The following EHBP1 variants were observed in gnomAD, a reference collection of about 807,000 sequenced individuals.
EHBP1 encodes the protein EH domain binding protein 1.
In EHBP1, 55 loss-of-function variants were observed where a neutral mutation model predicts 144.0. The ratio of observed to expected loss-of-function variants is 0.38; its 90% CI spans 0.31 to 0.48. The LOEUF is 0.48. Among genes scored for constraint, EHBP1 ranks in the 20% least tolerant of loss-of-function variants. The pLI is 0.98. For synonymous variants in EHBP1, 469 were observed against 472.7 expected, an observed-to-expected ratio of 0.99 and a Z score of 0.10; for missense variants, 1,200 against 1,364.2, an observed-to-expected ratio of 0.88 and a Z score of 1.90.
intron 10 of EHBP1, among the ~76,000 whole-genome samples, chr2:62,877,762 C>G (rs1340853108): frequency 6.6e-6 from 1 of 152,114 alleles, no homozygotes; most frequent in Non-Finnish European, 1.5e-5. Flanking sequence ...AGGCAGAAAT[C>G]AAGAAATTCT....
chr2:62,910,237 T>C (rs1257558194), intron 10 of EHBP1, among the ~76,000 whole-genome samples: 1 of 152,218 alleles, frequency 6.6e-6, no homozygotes, highest in Non-Finnish European at 1.5e-5. Flanking sequence ...TAATATGTTA[T>C]CGTATACTTG....
At chr2:62,989,104 T>C (rs1379384631) in intron 15 of EHBP1, among the ~76,000 whole-genome samples, 1 of 152,154 alleles carries the variant, frequency 6.6e-6, no homozygotes, top group Non-Finnish European at 1.5e-5. Context: ...AAAAGAATGC[T>C]GATATTTAAG....
chr2:62,771,435 TTATA>T (rs772628096), intron 5 of EHBP1, 43 bp downstream of exon 5: 2 of 1,467,962 alleles, frequency 1.4e-6, no homozygotes, highest in Admixed American at 1.9e-5. Flanking sequence ...ATTTTCAACT[TTATA>T]TATGCATTAT....
At chr2:62,696,374 T>C (rs2034092710) in intron 1 of EHBP1, among the ~76,000 whole-genome samples, 1 of 151,798 alleles carries the variant, frequency 6.6e-6, no homozygotes, top group African/African-American at 2.4e-5. Flanking sequence ...TTTCACTGTG[T>C]TGGCCAGGCT....
intron 6 of EHBP1, among the ~76,000 whole-genome samples, chr2:62,830,181 CACACACACACACACAT>C (rs2046715459): frequency 9.5e-6 from 1 of 105,764 alleles, no homozygotes; most frequent in African/African-American, 3.5e-5. Context: ...CACACACACA[CACACACACACACACAT>C]ATATATACAC....
intron 10 of EHBP1, among the ~76,000 whole-genome samples, chr2:62,878,174 A>T (rs950558568): frequency 6.6e-6 from 1 of 152,212 alleles, no homozygotes; most frequent in Non-Finnish European, 1.5e-5. Flanking sequence ...TAGGAAAAAC[A>T]TTCAGAGACT....
chr2:62,972,501 T>G (rs943922095), intron 14 of EHBP1, among the ~76,000 whole-genome samples: 1 of 152,190 alleles, frequency 6.6e-6, no homozygotes, highest in Non-Finnish European at 1.5e-5. Flanking sequence ...TGGAGACTAA[T>G]AAACTGAAAA....
At chr2:62,729,536 TAA>T (rs1279786237) in intron 2 of EHBP1, among the ~76,000 whole-genome samples, 72 of 117,870 alleles carry the variant, frequency 6.1e-4, no homozygotes, top group African/African-American at 2.2e-3. Context: ...ATAATATATA[TAA>T]TATATATTAT....
chr2:62,782,697 T>C (rs1291668512), intron 5 of EHBP1, among the ~76,000 whole-genome samples: 2 of 152,106 alleles, frequency 1.3e-5, no homozygotes, highest in African/African-American at 4.8e-5. Context: ...TGGGGGAAAC[T>C]GCCCCCATAA....
intron 20 of EHBP1, among the ~76,000 whole-genome samples, chr2:63,037,993 CTCTT>C (rs1258156912): frequency 1.3e-5 from 2 of 151,976 alleles, no homozygotes; most frequent in Non-Finnish European, 2.9e-5. Flanking sequence ...AATAAAATAA[CTCTT>C]AATAAGGACA....
At chr2:63,000,043 C>T (rs113563005) in intron 19 of EHBP1, among the ~76,000 whole-genome samples, 1 of 152,138 alleles carries the variant, frequency 6.6e-6, no homozygotes, top group East Asian at 1.9e-4. Flanking sequence ...GCTTGAGCAA[C>T]ATTGGATTTT....
intron 2 of EHBP1, among the ~76,000 whole-genome samples, chr2:62,729,474 A>T (rs1382805388): frequency 7.5e-4 from 88 of 117,822 alleles, no homozygotes; most frequent in African/African-American, 2.7e-3. Context: ...TAAATATATA[A>T]AAATATATAT....
At chr2:62,857,444 A>G (rs1011275537) in intron 7 of EHBP1, among the ~76,000 whole-genome samples, 5 of 152,212 alleles carry the variant, frequency 3.3e-5, no homozygotes, top group Admixed American at 6.5e-5. Flanking sequence ...AATGCATATT[A>G]AATGATTTAG....
chr2:62,741,211 C>G (rs909333362), intron 2 of EHBP1, among the ~76,000 whole-genome samples: 46 of 152,128 alleles, frequency 3.0e-4, no homozygotes, highest in African/African-American at 1.1e-3. Flanking sequence ...GACATAGACC[C>G]CTTCTCATGT....
intron 8 of EHBP1, among the ~76,000 whole-genome samples, chr2:62,860,501 A>G (rs2049430516): frequency 6.6e-6 from 1 of 152,148 alleles, no homozygotes; most frequent in Non-Finnish European, 1.5e-5. Context: ...AAAAAAAGAA[A>G]AAAAAAATTA....
chr2:62,817,308 A>G (rs1242174281), intron 5 of EHBP1, among the ~76,000 whole-genome samples: 8 of 152,188 alleles, frequency 5.3e-5, no homozygotes. Flanking sequence ...AGTGAGTTTT[A>G]GTAAAAGACT....
chr2:62,700,874 C>G (rs1011497267), upstream of EHBP1, among the ~76,000 whole-genome samples: 3 of 152,152 alleles, frequency 2.0e-5, no homozygotes, highest in Non-Finnish European at 4.4e-5. Flanking sequence ...CTTGGCTGGC[C>G]TAGATAACAA....
At chr2:62,745,745 G>C (rs1370565025) in intron 2 of EHBP1, among the ~76,000 whole-genome samples, 1 of 152,016 alleles carries the variant, frequency 6.6e-6, no homozygotes, top group African/African-American at 2.4e-5. Context: ...CTGGTCAGGT[G>C]TGAAGCAGTT....
chr2:62,900,834 A>G (rs2053358363), intron 10 of EHBP1, among the ~76,000 whole-genome samples: 1 of 152,114 alleles, frequency 6.6e-6, no homozygotes, highest in African/African-American at 2.4e-5. Flanking sequence ...TTTGCTGTCA[A>G]CTTAAACTAT....
Sources: allele counts gnomAD v4.1 joint callset (sites outside exome capture counted in the v4.1 genomes callset), GRCh38; gene constraint gnomAD v4.1.1; transcripts MANE v1.5; gene names NCBI Gene and HGNC (gene_info 2026-07-23, HGNC 2026-07-21).